Variants in ME3 observed in about 807,000 individuals in gnomAD.
The protein encoded by ME3 is NADP-dependent malic enzyme, mitochondrial.
A neutral mutation model predicts 68.9 loss-of-function variants in ME3; 48 were observed. The ratio of observed to expected loss-of-function variants is 0.70; its 90% CI spans 0.55 to 0.89. The LOEUF is 0.89. Ranked by LOEUF, ME3 falls within the 40% of genes least tolerant of loss-of-function variation. The pLI is 0.00. For synonymous variants in ME3, 320 were observed against 318.8 expected, an observed-to-expected ratio of 1.00 and a Z score of -0.04; for missense variants, 675 against 797.4, an observed-to-expected ratio of 0.85 and a Z score of 1.85.
At chr11:86,624,553 T>C (rs1360003796) in intron 2 of ME3, among the ~76,000 whole-genome samples, 1 of 152,178 alleles carries the variant, frequency 6.6e-6, no homozygotes. Flanking sequence ...GGCTACTAAT[T>C]ATAGGAACAT....
chr11:86,511,066 A>T (rs116588318), intron 4 of ME3, among the ~76,000 whole-genome samples: 1,822 of 152,238 alleles, frequency 0.012, 47 homozygotes, highest in African/African-American at 0.042. Context: ...GTACTTTCTA[A>T]ATAACTCCTG....
intron 4 of ME3, among the ~76,000 whole-genome samples, chr11:86,549,219 G>A (rs1265634594): frequency 6.6e-6 from 1 of 152,204 alleles, no homozygotes; most frequent in Non-Finnish European, 1.5e-5. Flanking sequence ...AGTTACCTCT[G>A]GAGAAAGAGT....
chr11:86,628,518 C>A (rs943204280), intron 2 of ME3, among the ~76,000 whole-genome samples: 3 of 152,174 alleles, frequency 2.0e-5, no homozygotes, highest in Non-Finnish European at 4.4e-5. Context: ...GTGAGACAGT[C>A]ATTAGTATTT....
chr11:86,511,283 C>G (rs997496335), intron 4 of ME3, among the ~76,000 whole-genome samples: 1 of 152,236 alleles, frequency 6.6e-6, no homozygotes. Flanking sequence ...GTCCTCAACA[C>G]GCCTACAGAA....
intron 2 of ME3, among the ~76,000 whole-genome samples, chr11:86,594,211 A>AT (rs1959180001): frequency 6.8e-6 from 1 of 147,024 alleles, no homozygotes; most frequent in Admixed American, 7.2e-5. Flanking sequence ...ACTCCAGTAC[A>AT]TAAGTAGCTG....
At chr11:86,621,274 A>T (rs1178215003) in intron 2 of ME3, among the ~76,000 whole-genome samples, 1 of 152,242 alleles carries the variant, frequency 6.6e-6, no homozygotes, top group Non-Finnish European at 1.5e-5. Flanking sequence ...AACAATTTCA[A>T]TCCAGGCCTA....
At chr11:86,645,929 A>G (rs1014361594) in intron 2 of ME3, among the ~76,000 whole-genome samples, 52 of 152,214 alleles carry the variant, frequency 3.4e-4, no homozygotes, top group African/African-American at 1.3e-3. Flanking sequence ...GTGGACCTCC[A>G]GCAAACTCCA....
intron 2 of ME3, among the ~76,000 whole-genome samples, chr11:86,573,128 T>C (rs1565157479): frequency 6.6e-6 from 1 of 152,198 alleles, no homozygotes. Flanking sequence ...ATGGGGTTGG[T>C]AGTTTTTCTC....
chr11:86,598,836 A>T (rs1396578736), intron 2 of ME3, among the ~76,000 whole-genome samples: 2 of 152,218 alleles, frequency 1.3e-5, no homozygotes, highest in Non-Finnish European at 2.9e-5. Flanking sequence ...TACCCAGGCA[A>T]ACAGGGTCTG....
intron 7 of ME3, among the ~76,000 whole-genome samples, chr11:86,476,312 T>C (rs1213893395): frequency 6.6e-6 from 1 of 152,206 alleles, no homozygotes; most frequent in Non-Finnish European, 1.5e-5. Context: ...GCTCTGCCTC[T>C]GTAACAGAGA....
chr11:86,472,858 G>GTTCA (rs1424175432), intron 7 of ME3, among the ~76,000 whole-genome samples: 1 of 152,200 alleles, frequency 6.6e-6, no homozygotes, highest in Admixed American at 6.5e-5. Flanking sequence ...GAGGATGGAG[G>GTTCA]GTGAAGTCCT....
chr11:86,611,522 T>TA (rs1486873112), intron 2 of ME3, among the ~76,000 whole-genome samples: 1 of 150,044 alleles, frequency 6.7e-6, no homozygotes, highest in Non-Finnish European at 1.5e-5. Context: ...ACAATGTATG[T>TA]ATATATATTA....
chr11:86,556,710 A>G lies in ME3; in HGVS notation c.318-8T>C, dbSNP rs1247572816. On this transcript the variant is annotated splice_region_variant and splice_polypyrimidine_tract_variant and intron_variant, in intron 3 of 14. Transcript: ENST00000543262. Reference sequence around the variant, plus strand: ...GTCATGAGAATGATGTACCTTGTAAAAGGAGAGAAAAAGCAAGCTGACATG... The same window carrying G: ...GTCATGAGAATGATGTACCTTGTAAGAGGAGAGAAAAAGCAAGCTGACATG... The G allele has an allele frequency of 1.2e-6, 2 of 1,613,600 alleles. No individual in the cohort carries two copies. Among genetic ancestry groups the G allele is most frequent in the Admixed American group, 3.3e-5 (2 of 60,010 alleles).
At chr11:86,444,835 A>G (rs1188992789) in intron 13 of ME3, among the ~76,000 whole-genome samples, 2 of 152,218 alleles carry the variant, frequency 1.3e-5, no homozygotes, top group African/African-American at 4.8e-5. Flanking sequence ...TACCCTTTTC[A>G]GAAATATAAC....
intron 4 of ME3, among the ~76,000 whole-genome samples, chr11:86,535,552 T>A (rs1955594356): frequency 6.6e-6 from 1 of 152,190 alleles, no homozygotes; most frequent in African/African-American, 2.4e-5. Context: ...AGGGATAAAG[T>A]CTATCCTTTA....
At chr11:86,636,124 T>C (rs974447078) in intron 2 of ME3, among the ~76,000 whole-genome samples, 10 of 152,136 alleles carry the variant, frequency 6.6e-5, no homozygotes, top group Non-Finnish European at 2.9e-5. Context: ...TGAGGGGTTG[T>C]AGGAATTGGA....
intron 2 of ME3, among the ~76,000 whole-genome samples, chr11:86,599,754 T>C (rs11234709): frequency 0.85 from 128,940 of 152,140 alleles, 54,837 homozygotes; most frequent in Middle Eastern, 0.89. Context: ...GCGGATCTCT[T>C]GGCAGAAACT....
chr11:86,588,634 A>G (rs2139652279), intron 2 of ME3, among the ~76,000 whole-genome samples: 1 of 152,348 alleles, frequency 6.6e-6, no homozygotes, highest in African/African-American at 2.4e-5. Flanking sequence ...AAGGAAAAAC[A>G]GCAGCCTCAA....
At chr11:86,535,753 A>G (rs1433400134) in intron 4 of ME3, among the ~76,000 whole-genome samples, 5 of 152,190 alleles carry the variant, frequency 3.3e-5, no homozygotes, top group Admixed American at 2.6e-4. Context: ...TTTAACATGC[A>G]ATGCATTTTA....
Sources: gnomAD v4.1 joint callset for allele counts (sites outside exome capture counted in the v4.1 genomes callset) on GRCh38, gnomAD v4.1.1 for gene constraint, MANE v1.5 for transcripts, NCBI Gene and HGNC (gene_info 2026-07-23, HGNC 2026-07-21) for gene names.